PDCD11: variants seen among roughly 807,000 people sequenced by gnomAD.
PDCD11 encodes programmed cell death 11.
Under a neutral mutation model 198.9 loss-of-function variants are expected in PDCD11, and 97 were observed. The observed-to-expected ratio is 0.49, with a 90% CI of 0.41 to 0.58. The LOEUF is 0.58. PDCD11 is among the 20% of genes least tolerant of loss of function. The probability of loss-of-function intolerance (pLI) is 0.00; values close to 1 mark genes in which losing one functional copy is unlikely to be tolerated. For synonymous variants in PDCD11, 893 were observed against 918.0 expected (o/e 0.97, Z 0.49); for missense variants, 2,102 against 2,312.7 (o/e 0.91, Z 1.87).
Position 103,419,588 on chromosome 10 carries a change from T to A in PDCD11, c.2157T>A (p.Asp719Glu). Reference sequence around the variant, plus strand: ...TCTCCACAGTAGAAGGTGGCCAGGATCCCAAGAACTTCTCAGAAATCCATC... The same window carrying A: ...TCTCCACAGTAGAAGGTGGCCAGGAACCCAAGAACTTCTCAGAAATCCATC... ...ALVSTVEGGQ[D>E]PKNFSEIHPG... Residue 719 changes from aspartate (D) to glutamate (E), a missense_variant, in exon 16 of 36, where the codon GAT (aspartate) becomes GAA (glutamate). Asp to Glu is a conservative substitution (Grantham distance 45). Transcript: ENST00000369797. 1 of 1,614,136 alleles carries A rather than the reference T, an allele frequency of 6.2e-7. No individual in the cohort carries two copies. The highest frequency in any genetic ancestry group is 8.5e-7 in the Non-Finnish European group (1 of 1,180,022).
intron 28 of PDCD11, 98 bp downstream of exon 28, chr10:103,439,966 T>G: frequency 7.0e-7 from 1 of 1,431,444 alleles, no homozygotes. Flanking sequence ...GTAAACATAA[T>G]GGCTTGCGTA....
Position 103,434,820 on chromosome 10 carries a change from G to C in PDCD11, c.3690G>C (p.Gly1230=). The part of the protein sequence containing the change: ...SLTGPHKLEE[G]EVAMGRVVKV... The stretch of plus-strand genomic sequence containing the variant: ...CAGGTCCTCACAAGCTTGAGGAAGG[G>C]GAAGTGGCCATGGGCCGAGTGGTGA... Residue 1230 remains glycine, a synonymous_variant, in exon 25 of 36, where the codon GGG becomes GGC. Transcript: ENST00000369797. 6.2e-7 allele frequency: 1 copy of C among 1,610,334 alleles called. No homozygotes were observed. The highest frequency in any genetic ancestry group is 8.5e-7 in the Non-Finnish European group (1 of 1,178,472).
chr10:103,406,135 A>G (rs761379624), intron 6 of PDCD11, 27 bp downstream of exon 6: 16 of 1,611,826 alleles, frequency 9.9e-6, no homozygotes, highest in Admixed American at 1.7e-5. Flanking sequence ...GGGCCAGTAC[A>G]TGGTGGTGAG....
chr10:103,431,535 T>A (rs889973845), intron 21 of PDCD11, among the ~76,000 whole-genome samples: 2 of 151,648 alleles, frequency 1.3e-5, no homozygotes. Context: ...GAAGTTGCAG[T>A]GACCCGAGAT....
At chr10:103,431,670 AG>A (rs1167068851) in intron 21 of PDCD11, among the ~76,000 whole-genome samples, 1 of 152,070 alleles carries the variant, frequency 6.6e-6, no homozygotes, top group Non-Finnish European at 1.5e-5. Context: ...TGCTAATGGA[AG>A]GGTAGCATAG....
Position 103,444,551 on chromosome 10 carries a change from G to A in PDCD11, c.5313G>A (p.Glu1771=), listed in dbSNP as rs2032518370. The change falls in exon 35 of 36, where the codon GAG becomes GAA. Residue 1771 remains glutamate, a synonymous_variant. Coordinates refer to ENST00000369797, the MANE Select transcript of PDCD11 (RefSeq NM_014976.2). ...VDVIAKFAQL[E]FQLGDAERAK... ...TCATTGCCAAGTTTGCCCAGCTTGAGTTTCAGCTGGGGGATGCAGAGCGGG... is the reference window on the plus strand; with the variant it reads ...TCATTGCCAAGTTTGCCCAGCTTGAATTTCAGCTGGGGGATGCAGAGCGGG... 6.2e-7 allele frequency: 1 copy of A among 1,614,194 alleles called. No homozygotes were observed. The highest frequency in any genetic ancestry group is 1.3e-5 in the African/African-American group (1 of 75,068).
Position 103,413,285 on chromosome 10 carries a change from C to T in PDCD11, c.1148C>T (p.Thr383Ile). Residue 383 changes from threonine to isoleucine, a missense_variant, in exon 9 of 36, where the codon ACC becomes ATC. Thr to Ile is a moderately conservative substitution (Grantham distance 89). Coordinates refer to ENST00000369797, the MANE Select transcript of PDCD11 (RefSeq NM_014976.2). ...GGTTTTTTCAAAAAGGCTGGGGCCA[C>T]CTTTAGGCTGAAGGATGGGGTTCTG... ...VQGFFKKAGA[T>I]FRLKDGVLAY... 1 of 1,614,160 alleles carries T rather than the reference C, an allele frequency of 6.2e-7. No homozygotes were observed. The highest frequency in any genetic ancestry group is 1.7e-5 in the Admixed American group (1 of 60,020).
At chr10:103,445,339 G>A (rs776486122) in intron 35 of PDCD11, 39 bp from the exon 36 acceptor site, 1 of 1,608,424 alleles carries the variant, frequency 6.2e-7, no homozygotes, top group South Asian at 1.1e-5. Context: ...ACGTGACCTG[G>A]GACTGACAGG....
chr10:103,414,845 C>T (rs1225564834), intron 11 of PDCD11, among the ~76,000 whole-genome samples, 160 bp from the exon 12 acceptor site: 3 of 152,296 alleles, frequency 2.0e-5, no homozygotes, highest in South Asian at 4.1e-4. Context: ...TAATCCAGCT[C>T]AGTGTGGGGT....
intron 16 of PDCD11, among the ~76,000 whole-genome samples, chr10:103,420,714 G>A (rs1208575621): frequency 6.6e-6 from 1 of 152,152 alleles, no homozygotes; most frequent in Non-Finnish European, 1.5e-5. Flanking sequence ...GGAGCAGAGG[G>A]GAGGGCCCCA....
rs922441793 is a variant in PDCD11, at chr10:103,425,211, G to T, written c.2991G>T (p.Pro997=). ...GCCTTCTTTTGGCTGTGGAGGGGCC[G>T]GCTGCCAAGAGGACCATGAGGCCGA... is the stretch of plus-strand genomic sequence containing the variant. ...VTGLLLAVEG[P]AAKRTMRPTQ... is the part of the protein sequence containing the mutation. Residue 997 remains proline, a synonymous_variant, in exon 20 of 36, where the codon CCG becomes CCT. Transcript: ENST00000369797. 3.7e-6 allele frequency: 6 copies of T among 1,614,026 alleles called. No homozygotes were observed. Among genetic ancestry groups the T allele is most frequent in the Non-Finnish European group, 5.1e-6 (6 of 1,180,038 alleles).
At chr10:103,441,562 T>G (rs2032385060) in intron 30 of PDCD11, among the ~76,000 whole-genome samples, 1 of 152,220 alleles carries the variant, frequency 6.6e-6, no homozygotes, top group African/African-American at 2.4e-5. Flanking sequence ...GCTTCTACTG[T>G]TATTTTATAT....
At chr10:103,443,645 C>T (rs935075056) in intron 33 of PDCD11, among the ~76,000 whole-genome samples, 2 of 152,196 alleles carry the variant, frequency 1.3e-5, no homozygotes, top group Admixed American at 6.5e-5. Flanking sequence ...GGCGTCTCTC[C>T]TACTCCCCCT....
Position 103,443,309 on chromosome 10 carries a change from C to G in PDCD11, c.5100C>G (p.Ile1700Met), listed in dbSNP as rs772715536. The part of the protein sequence containing the change: ...PLKVFLHLAD[I>M]YAKSEKFQEA... ...AAGTCTTTCTCCACCTGGCTGACAT[C>G]TACGCCAAGTCAGAGAAATTCCAGG... Residue 1700 changes from isoleucine (I) to methionine (M), a missense_variant, in exon 33 of 36, where the codon ATC (isoleucine) becomes ATG (methionine). Transcript: ENST00000369797. The G allele has an allele frequency of 6.2e-7, 1 of 1,610,498 alleles. No homozygotes were observed. The highest frequency in any genetic ancestry group is 8.5e-7 in the Non-Finnish European group (1 of 1,177,338).
At position 103,423,535 on chromosome 10, in the gene PDCD11, C is replaced by T; in HGVS notation, c.2648-8C>T. The T allele has an allele frequency of 6.3e-7, 1 of 1,585,956 alleles. No homozygotes were observed. The highest frequency in any genetic ancestry group is 1.1e-5 in the South Asian group (1 of 90,504). ...GAAGGATAATCACACTGTGGTTCTGCACTGCAGGGCAGGAGGTGGAATCTG... is the reference window on the plus strand; with the variant it reads ...GAAGGATAATCACACTGTGGTTCTGTACTGCAGGGCAGGAGGTGGAATCTG... On this transcript the variant is annotated splice_polypyrimidine_tract_variant and splice_region_variant and intron_variant, in intron 18 of 35. Transcript: ENST00000369797.
chr10:103,445,607 G>A lies in PDCD11; in HGVS notation c.*58G>A. The A allele has an allele frequency of 2.0e-6, 3 of 1,494,830 alleles. No individual in the cohort carries two copies. The highest frequency in any genetic ancestry group is 2.3e-5 in the South Asian group (2 of 85,808). The allele number at this position is 1,494,830 out of a possible 1,614,324, so 92.6% of individuals were successfully genotyped here. Reference sequence around the variant, plus strand: ...ATGGGCCAGCCCGGCCCCGCCTCGAGTGCCTGGGCACTCGGAAAACTGTTA... The same window carrying A: ...ATGGGCCAGCCCGGCCCCGCCTCGAATGCCTGGGCACTCGGAAAACTGTTA... On this transcript the variant is annotated 3_prime_UTR_variant, in exon 36 of 36. Transcript: ENST00000369797.
chr10:103,438,580 C>T, intron 26 of PDCD11, 106 bp from the exon 27 acceptor site: 1 of 1,448,696 alleles, frequency 6.9e-7, no homozygotes. Context: ...GCTGACAGGT[C>T]CAGAGTCATA....
In PDCD11 at chr10:103,421,404, A is replaced by G. The variant is rs2031416216; in HGVS notation, c.2334A>G (p.Thr778=). ...STSDHFVEGQ[T]VAAKVTNVDE... is the part of the protein sequence containing the mutation. ...GTGACCACTTTGTTGAGGGCCAGAC[A>G]GTAGCGGCAAAGGTGACCAATGTGG... The change falls in exon 17 of 36, where the codon ACA becomes ACG. Residue 778 remains threonine (T), a synonymous_variant. Transcript: ENST00000369797. 3 of 1,609,632 alleles carry G rather than the reference A, an allele frequency of 1.9e-6. No individual in the cohort carries two copies. The highest frequency in any genetic ancestry group is 2.5e-6 in the Non-Finnish European group (3 of 1,178,006).
At chr10:103,444,150 A>C in intron 34 of PDCD11, 82 bp downstream of exon 34, 1 of 1,238,604 alleles carries the variant, frequency 8.1e-7, no homozygotes, top group Non-Finnish European at 1.1e-6. Flanking sequence ...TGCTTCTTCT[A>C]AGTCAGGAGA....
Sources: allele counts gnomAD v4.1 joint callset (sites outside exome capture counted in the v4.1 genomes callset), GRCh38; gene constraint gnomAD v4.1.1; transcripts MANE v1.5; gene names NCBI Gene and HGNC (gene_info 2026-07-23, HGNC 2026-07-21).